SEMA3A: variants seen among roughly 807,000 people sequenced by gnomAD.
The protein encoded by SEMA3A is semaphorin-3A.
SEMA3A carries 29 observed loss-of-function variants against 97.9 expected under a neutral mutation model. That is an observed-to-expected ratio of 0.30 (90% CI 0.22 to 0.40). SEMA3A has a LOEUF of 0.40. SEMA3A is among the 10% of genes least tolerant of loss of function. SEMA3A has a pLI of 1.00. For missense variants in SEMA3A, 763 were observed against 951.3 expected (o/e 0.80, Z 2.60); for synonymous variants, 321 against 323.7 (o/e 0.99, Z 0.09).
chr7:84,291,419 T>C (rs1800742913), intron 3 of SEMA3A, among the ~76,000 whole-genome samples: 1 of 152,096 alleles, frequency 6.6e-6, no homozygotes, highest in African/African-American at 2.4e-5. Flanking sequence ...TTATCAGTGG[T>C]GTATCTTACA....
chr7:84,166,885 A>G (rs1797228746), intron 1 of SEMA3A, among the ~76,000 whole-genome samples: 1 of 146,076 alleles, frequency 6.8e-6, no homozygotes, highest in South Asian at 2.1e-4. Context: ...CTGTCTCAAA[A>G]AAAAAAAAAA....
At chr7:84,116,276 C>T (rs1425926555) in intron 3 of SEMA3A, among the ~76,000 whole-genome samples, 8 of 152,098 alleles carry the variant, frequency 5.3e-5, no homozygotes, top group African/African-American at 9.7e-5. Flanking sequence ...GACATAGACA[C>T]TGATGTATCA....
intron 1 of SEMA3A, among the ~76,000 whole-genome samples, chr7:84,152,084 A>T (rs947179371): frequency 2.0e-5 from 3 of 150,822 alleles, no homozygotes; most frequent in Admixed American, 1.3e-4. Flanking sequence ...ACACTTTTAC[A>T]CTGTTGGTGG....
rs1802764864 is a variant in SEMA3A at position 84,363,063 on chromosome 7, C to T, written c.-169+8761G>A. 2.6e-5 allele frequency among the ~76,000 whole-genome samples: 4 copies of T among 152,030 alleles called. No individual in the cohort carries two copies. In the South Asian group the frequency reaches 8.3e-4, roughly 32 times the overall value. ...AGATGATATGCCCTGATCCAGATCA[C>T]CATCCTGCCTCAGAAGCTAAAGTAG... On this transcript the variant is annotated intron_variant, in intron 2 of 3. Coordinates refer to the SEMA3A transcript ENST00000424555.
chr7:84,072,249 T>C (rs1793768061), intron 4 of SEMA3A, among the ~76,000 whole-genome samples: 1 of 152,144 alleles, frequency 6.6e-6, no homozygotes, highest in Non-Finnish European at 1.5e-5. Flanking sequence ...CTTCACCTGA[T>C]TTTTATATTA....
intron 5 of SEMA3A, among the ~76,000 whole-genome samples, chr7:84,047,244 C>T (rs1275955808): frequency 6.6e-6 from 1 of 151,852 alleles, no homozygotes; most frequent in Non-Finnish European, 1.5e-5. Flanking sequence ...GAATCATATC[C>T]AGACGGTAAA....
At chr7:84,285,393 C>T (rs1800553990) in intron 3 of SEMA3A, among the ~76,000 whole-genome samples, 1 of 152,126 alleles carries the variant, frequency 6.6e-6, no homozygotes, top group African/African-American at 2.4e-5. Context: ...TGCACATATA[C>T]ATGCAAGCAT....
At chr7:84,190,738 C>T (rs892822156) in intron 1 of SEMA3A, among the ~76,000 whole-genome samples, 4 of 147,498 alleles carry the variant, frequency 2.7e-5, no homozygotes, top group Non-Finnish European at 4.5e-5. Flanking sequence ...AATATATATA[C>T]ACACACACAT....
rs367625598 is a variant in SEMA3A at position 84,434,573 on chromosome 7, G to A, written c.-246+57887C>T. On this transcript the variant is annotated intron_variant, in intron 1 of 3. Coordinates refer to the SEMA3A transcript ENST00000424555. ...AGACACAACAAAAAGAAAACTACAG[G>A]CCAATATCCCTAATGAGGACAGACA... Among the ~76,000 whole-genome samples the A allele has an allele frequency of 6.9e-4, 105 of 152,098 alleles. 1 individual carries two copies. The highest frequency in any genetic ancestry group is 2.3e-3 in the African/African-American group (97 of 41,510).
chr7:84,405,656 C>T (rs1804060405), intron 1 of SEMA3A, among the ~76,000 whole-genome samples: 1 of 152,158 alleles, frequency 6.6e-6, no homozygotes, highest in South Asian at 2.1e-4. Context: ...TAAAGCACTC[C>T]TCAGCAAATG....
At position 84,343,351 on chromosome 7, in the gene SEMA3A, G is replaced by A. The variant is rs927925357; in HGVS notation, c.-169+28473C>T. On this transcript the variant is annotated intron_variant, in intron 2 of 3. Coordinates refer to the SEMA3A transcript ENST00000424555. ...GAAAACACTGGAAGGTCTACTCATAGGGTGATTATAATCCAATACAATTTT... is the reference window on the plus strand; with the variant it reads ...GAAAACACTGGAAGGTCTACTCATAAGGTGATTATAATCCAATACAATTTT... Among the ~76,000 whole-genome samples the A allele has an allele frequency of 3.3e-5, 5 of 152,264 alleles. No individual in the cohort carries two copies. In the South Asian group the frequency reaches 1.0e-3, roughly 32 times the overall value.
chr7:84,490,890 G>T (rs2116453177), intron 1 of SEMA3A, among the ~76,000 whole-genome samples: 1 of 152,236 alleles, frequency 6.6e-6, no homozygotes, highest in Admixed American at 6.6e-5. Flanking sequence ...GCTGGGGAAG[G>T]CATAGTGAAA....
chr7:84,071,462 T>C (rs990204084), intron 4 of SEMA3A, among the ~76,000 whole-genome samples: 3 of 152,114 alleles, frequency 2.0e-5, no homozygotes, highest in East Asian at 1.9e-4. Context: ...CCAGGAGTTA[T>C]GCGAAGTGGT....
At position 84,481,437 on chromosome 7, in the gene SEMA3A, C is replaced by G. The variant is rs548619634; in HGVS notation, c.-246+11023G>C. Among the ~76,000 whole-genome samples the G allele has an allele frequency of 5.9e-5, 9 of 152,152 alleles. No homozygotes were observed. In the East Asian group the frequency reaches 1.7e-3, roughly 29 times the overall value. On this transcript the variant is annotated intron_variant, in intron 1 of 3. Coordinates refer to the SEMA3A transcript ENST00000424555. ...TATTATTCATCCAAATTGAAAGAGC[C>G]AGCTACAACTGATGTTGAAATCCAC...
chr7:84,132,673 T>G (rs907440628), intron 2 of SEMA3A, among the ~76,000 whole-genome samples: 7,915 of 126,706 alleles, frequency 0.062, 603 homozygotes, highest in African/African-American at 0.15. Flanking sequence ...TTTTTTTTTT[T>G]TTTTTTTTTT....
intron 3 of SEMA3A, among the ~76,000 whole-genome samples, chr7:84,289,474 A>C (rs1186243949): frequency 6.6e-6 from 1 of 152,134 alleles, no homozygotes; most frequent in East Asian, 1.9e-4. Flanking sequence ...ATACCATACT[A>C]TACCCCATAA....
At chr7:84,247,306 T>C (rs1055866177) in intron 3 of SEMA3A, among the ~76,000 whole-genome samples, 2 of 152,188 alleles carry the variant, frequency 1.3e-5, no homozygotes, top group African/African-American at 4.8e-5. Context: ...TCACAGAATA[T>C]GTATAGCACA....
chr7:84,346,510 G>A (rs919667954), intron 2 of SEMA3A, among the ~76,000 whole-genome samples: 8 of 152,098 alleles, frequency 5.3e-5, no homozygotes, highest in East Asian at 3.9e-4. Flanking sequence ...AGAGGCCATC[G>A]TCAGGCTATT....
At chr7:84,297,258 T>C (rs1347648877) in intron 3 of SEMA3A, among the ~76,000 whole-genome samples, 3 of 152,148 alleles carry the variant, frequency 2.0e-5, no homozygotes, top group African/African-American at 7.2e-5. Flanking sequence ...ATTACAGGTG[T>C]GAGCCACCGT....
Sources: gnomAD v4.1 joint callset for allele counts (sites outside exome capture counted in the v4.1 genomes callset) on GRCh38, gnomAD v4.1.1 for gene constraint, MANE v1.5 for transcripts, NCBI Gene and HGNC (gene_info 2026-07-23, HGNC 2026-07-21) for gene names.